The following CNBD1 variants were observed in gnomAD, a reference collection of about 807,000 sequenced individuals.
The protein encoded by CNBD1 is cyclic nucleotide-binding domain-containing protein 1.
Under a neutral mutation model 54.4 loss-of-function variants are expected in CNBD1, and 71 were observed. That is an observed-to-expected ratio of 1.30 (90% CI 1.08 to 1.59). CNBD1 has a LOEUF of 1.59. Ranked by LOEUF, CNBD1 falls within the 40% of genes most tolerant of loss-of-function variation. CNBD1 has a pLI of 0.00. For missense variants in CNBD1, 659 were observed against 518.0 expected, an observed-to-expected ratio of 1.27 and a Z score of -2.64; for synonymous variants, 182 against 170.7, an observed-to-expected ratio of 1.07 and a Z score of -0.51.
At chr8:87,138,182 T>C (rs1245096506) in intron 4 of CNBD1, among the ~76,000 whole-genome samples, 4 of 152,168 alleles carry the variant, frequency 2.6e-5, no homozygotes, top group African/African-American at 9.6e-5. Flanking sequence ...TTTGTCTTCC[T>C]ATTTGTTCAG....
At chr8:86,911,772 G>T (rs1809103148) in intron 3 of CNBD1, among the ~76,000 whole-genome samples, 1 of 151,956 alleles carries the variant, frequency 6.6e-6, no homozygotes, top group African/African-American at 2.4e-5. Context: ...AAAATTGCAG[G>T]ATACAAGAGC....
intron 4 of CNBD1, among the ~76,000 whole-genome samples, chr8:87,128,881 A>G (rs923967878): frequency 1.9e-4 from 29 of 149,918 alleles, no homozygotes; most frequent in African/African-American, 7.1e-4. Flanking sequence ...CAGGAAATCC[A>G]GACCATCCTG....
At chr8:87,013,046 C>A (rs1809258099) in intron 4 of CNBD1, among the ~76,000 whole-genome samples, 3 of 152,182 alleles carry the variant, frequency 2.0e-5, no homozygotes, top group African/African-American at 7.2e-5. Context: ...TAAAGAGAGG[C>A]TGGCGCCTAA....
intron 2 of CNBD1, among the ~76,000 whole-genome samples, chr8:87,410,493 G>A (rs1807723816): frequency 6.6e-6 from 1 of 152,140 alleles, no homozygotes; most frequent in Non-Finnish European, 1.5e-5. Flanking sequence ...TTGAATGCAT[G>A]AGGTGATGCT....
chr8:87,374,445 G>A (rs900703444), intron 10 of CNBD1, among the ~76,000 whole-genome samples: 2 of 151,758 alleles, frequency 1.3e-5, no homozygotes, highest in Non-Finnish European at 2.9e-5. Flanking sequence ...CCTAATAAGG[G>A]CAACTTTAGT....
At chr8:87,278,858 T>A (rs1808535178) in intron 6 of CNBD1, among the ~76,000 whole-genome samples, 1 of 151,256 alleles carries the variant, frequency 6.6e-6, no homozygotes, top group African/African-American at 2.4e-5. Context: ...AAAACAGCAA[T>A]AGAATAGTGT....
At chr8:87,345,844 G>C (rs1176327563) in intron 8 of CNBD1, among the ~76,000 whole-genome samples, 6 of 152,168 alleles carry the variant, frequency 3.9e-5, no homozygotes, top group African/African-American at 1.4e-4. Context: ...TAAGTCTGTT[G>C]ACTACTGAAA....
chr8:87,199,961 G>T (rs957710937), intron 4 of CNBD1, among the ~76,000 whole-genome samples: 1 of 152,076 alleles, frequency 6.6e-6, no homozygotes, highest in Non-Finnish European at 1.5e-5. Flanking sequence ...GGTAATGGTT[G>T]CACGAGTGTA....
chr8:87,329,173 A>G (rs1370838720), intron 8 of CNBD1, among the ~76,000 whole-genome samples: 13 of 152,114 alleles, frequency 8.5e-5, no homozygotes, highest in Non-Finnish European at 1.5e-4. Flanking sequence ...GTTCTTTGGA[A>G]AGACTACCTA....
chr8:87,028,350 C>T (rs955825684), intron 4 of CNBD1, among the ~76,000 whole-genome samples: 1 of 152,252 alleles, frequency 6.6e-6, no homozygotes, highest in South Asian at 2.1e-4. Flanking sequence ...GGGCAAGCAG[C>T]TATTTAGGAG....
chr8:86,985,226 A>G (rs1290496672), intron 4 of CNBD1, among the ~76,000 whole-genome samples: 1 of 152,114 alleles, frequency 6.6e-6, no homozygotes, highest in Non-Finnish European at 1.5e-5. Context: ...GCCATGTGGA[A>G]CTTTAAGTCC....
chr8:86,964,654 T>C (rs1038188432), intron 4 of CNBD1, among the ~76,000 whole-genome samples: 1 of 152,186 alleles, frequency 6.6e-6, no homozygotes, highest in Non-Finnish European at 1.5e-5. Flanking sequence ...ACATCTGTTG[T>C]AGGAGCAGGA....
At chr8:86,989,735 G>A (rs1808699448) in intron 4 of CNBD1, among the ~76,000 whole-genome samples, 1 of 152,194 alleles carries the variant, frequency 6.6e-6, no homozygotes, top group Non-Finnish European at 1.5e-5. Flanking sequence ...ACAGGCATGA[G>A]CCACCATGCC....
downstream of CNBD1, among the ~76,000 whole-genome samples, chr8:87,387,575 A>T (rs191390667): frequency 1.0e-3 from 157 of 152,318 alleles, no homozygotes; most frequent in African/African-American, 3.7e-3. Context: ...ACATATATGC[A>T]CCCAATACAG....
intron 2 of CNBD1, among the ~76,000 whole-genome samples, chr8:86,890,177 A>C (rs1197965888): frequency 6.6e-6 from 1 of 152,044 alleles, no homozygotes; most frequent in African/African-American, 2.4e-5. Flanking sequence ...CTGTTGTGCA[A>C]TAGATCTTAA....
At chr8:86,958,427 G>T (rs61312569) in intron 4 of CNBD1, among the ~76,000 whole-genome samples, 4,045 of 152,204 alleles carry the variant, frequency 0.027, 190 homozygotes, top group African/African-American at 0.093. Context: ...TGACAGTTGG[G>T]TGTTAAAGTC....
intron 2 of CNBD1, among the ~76,000 whole-genome samples, chr8:86,904,488 T>A (rs1035644837): frequency 2.6e-5 from 4 of 152,066 alleles, no homozygotes; most frequent in African/African-American, 9.7e-5. Context: ...ATAAGAGTCA[T>A]CCTGAGGAAT....
chr8:87,348,408 A>AT (rs1810216971), intron 8 of CNBD1, among the ~76,000 whole-genome samples: 1 of 152,198 alleles, frequency 6.6e-6, no homozygotes, highest in Non-Finnish European at 1.5e-5. Context: ...ATTTCTTAAC[A>AT]TTTTTAAAGC....
At chr8:87,304,743 G>A (rs936548698) in intron 8 of CNBD1, among the ~76,000 whole-genome samples, 1 of 151,960 alleles carries the variant, frequency 6.6e-6, no homozygotes, top group African/African-American at 2.4e-5. Flanking sequence ...AGCAATGTCG[G>A]CAAACAAGGG....
Sources: gnomAD v4.1 joint callset for allele counts (sites outside exome capture counted in the v4.1 genomes callset) on GRCh38, gnomAD v4.1.1 for gene constraint, MANE v1.5 for transcripts, NCBI Gene and HGNC (gene_info 2026-07-23, HGNC 2026-07-21) for gene names.